Variants in SHROOM4 observed in about 807,000 individuals in gnomAD.
SHROOM4 encodes protein Shroom4.
A neutral mutation model predicts 80.3 loss-of-function variants in SHROOM4; 17 were observed. The ratio of observed to expected loss-of-function variants is 0.21; its 90% CI spans 0.14 to 0.32. The LOEUF is 0.32. Among genes scored for constraint, SHROOM4 ranks in the 10% least tolerant of loss-of-function variants. The probability of loss-of-function intolerance (pLI) is 1.00; values close to 1 mark genes in which losing one functional copy is unlikely to be tolerated. For synonymous variants in SHROOM4, 400 were observed against 437.5 expected (o/e 0.91, Z 1.07); for missense variants, 993 against 1,140.3 (o/e 0.87, Z 1.86).
intron 1 of SHROOM4, among the ~76,000 whole-genome samples, chrX:50,716,313 TGTATCATATTCTTGAAAATCACAG>T (rs2147504344): frequency 9.0e-6 from 1 of 111,288 alleles, no homozygotes; most frequent in African/African-American, 3.3e-5. Flanking sequence ...GTTAGAACAA[TGTATCATATTCTTGAAAATCACAG>T]AGATTTTAAG....
intron 1 of SHROOM4, among the ~76,000 whole-genome samples, chrX:50,793,527 G>T (rs1557271746): frequency 9.6e-6 from 1 of 104,691 alleles, no homozygotes; most frequent in Non-Finnish European, 2.0e-5. Context: ...AAATACAAAA[G>T]TAAAGACTGG....
At chrX:50,715,143 CTT>C (rs1293478534) in intron 1 of SHROOM4, among the ~76,000 whole-genome samples, 1 of 111,448 alleles carries the variant, frequency 9.0e-6, no homozygotes, top group Non-Finnish European at 1.9e-5. Context: ...TCATATCCCT[CTT>C]ATTGCTTGAT....
rs1416151717 is a variant in SHROOM4, at chrX:50,594,020, C to G, written c.*2675G>C. ...GTGATAGTAACTCATGCACTGACTTCTCTATCAGCCATCATGCTTGCCTAT... is the reference window on the plus strand; with the variant it reads ...GTGATAGTAACTCATGCACTGACTTGTCTATCAGCCATCATGCTTGCCTAT... On this transcript the variant is annotated 3_prime_UTR_variant, in exon 9 of 9. Transcript: ENST00000376020. 1 of 111,872 alleles carries G rather than the reference C, an allele frequency of 8.9e-6. No individual in the cohort carries two copies. The highest frequency in any genetic ancestry group is 2.8e-4 in the East Asian group (1 of 3,563). 9.2% of individuals were successfully genotyped at this position (111,872 alleles called of 1,213,427 possible). A position where few individuals can be genotyped will look rare whatever the true frequency, so the allele number is the denominator to read the frequency against.
chrX:50,672,183 C>A (rs1222938974), intron 2 of SHROOM4, among the ~76,000 whole-genome samples: 2 of 111,513 alleles, frequency 1.8e-5, no homozygotes, highest in African/African-American at 6.5e-5. Flanking sequence ...ATAGTACCAT[C>A]AAAAAATCAT....
intron 2 of SHROOM4, among the ~76,000 whole-genome samples, chrX:50,650,125 T>C (rs1294498206): frequency 1.8e-5 from 2 of 112,161 alleles, no homozygotes; most frequent in African/African-American, 3.2e-5. Context: ...AATTTAAAAA[T>C]TGTATATAAA....
At chrX:50,757,859 G>T (rs1260352931) in intron 1 of SHROOM4, among the ~76,000 whole-genome samples, 1 of 109,829 alleles carries the variant, frequency 9.1e-6, no homozygotes, top group Non-Finnish European at 1.9e-5. Flanking sequence ...TTTTTCTAGG[G>T]ATTGTATTGA....
At chrX:50,813,160 TGGCGGCGGC>T (rs781798597) in intron 1 of SHROOM4, among the ~76,000 whole-genome samples, 16 of 102,020 alleles carry the variant, frequency 1.6e-4, no homozygotes, top group East Asian at 6.4e-4. Flanking sequence ...GCGGCGGCAG[TGGCGGCGGC>T]GGCGGCGGCG....
At chrX:50,790,535 C>T (rs144986040) in intron 1 of SHROOM4, among the ~76,000 whole-genome samples, 1,678 of 110,827 alleles carry the variant, frequency 0.015, 17 homozygotes, top group Middle Eastern at 0.037. Context: ...AAAACTGATG[C>T]GAAAATCCTC....
At position 50,634,041 on chromosome X, in the gene SHROOM4, T is replaced by C. The variant is rs782743144; in HGVS notation, c.2032A>G (p.Arg678Gly). The C allele has an allele frequency of 8.3e-7, 1 of 1,212,025 alleles. No individual in the cohort carries two copies. Among genetic ancestry groups the C allele is most frequent in the South Asian group, 1.8e-5 (1 of 56,965 alleles). ...LSQAPESHES[R>G]TGLEGRISPG... ...CTTATTCGTCCCTCTAAGCCTGTCC[T>C]AGATTCATGGCTCTCAGGGGCTTGG... is the stretch of plus-strand genomic sequence containing the variant. The change falls in exon 4 of 9, where the codon AGG becomes GGG. Residue 678 changes from arginine (R) to glycine (G), a missense_variant. Coordinates refer to ENST00000376020, the MANE Select transcript of SHROOM4 (RefSeq NM_020717.5).
At chrX:50,651,739 T>C (rs1239147807) in intron 2 of SHROOM4, among the ~76,000 whole-genome samples, 40 of 109,169 alleles carry the variant, frequency 3.7e-4, no homozygotes, top group Non-Finnish European at 6.5e-4. Context: ...CCTAGCCCCT[T>C]AACCCCCGAC....
chrX:50,582,295 G>A (rs141992687), downstream of SHROOM4, among the ~76,000 whole-genome samples: 16 of 111,890 alleles, frequency 1.4e-4, no homozygotes, highest in East Asian at 4.5e-3. Flanking sequence ...CCAAGACCTT[G>A]ATTGCAGTCT....
intron 1 of SHROOM4, among the ~76,000 whole-genome samples, chrX:50,749,090 T>C (rs149361018): frequency 2.3e-4 from 26 of 111,493 alleles, no homozygotes; most frequent in African/African-American, 7.8e-4. Flanking sequence ...TGCACACCTG[T>C]AGTCCCAACT....
At chrX:50,606,203 G>T (rs1183002422) in intron 6 of SHROOM4, among the ~76,000 whole-genome samples, 1 of 107,578 alleles carries the variant, frequency 9.3e-6, no homozygotes, top group Non-Finnish European at 1.9e-5. Context: ...CTAGCATTAG[G>T]TATGTCTCCC....
At chrX:50,750,283 G>A (rs1258207112) in intron 1 of SHROOM4, among the ~76,000 whole-genome samples, 7 of 111,190 alleles carry the variant, frequency 6.3e-5, no homozygotes, top group African/African-American at 2.0e-4. Context: ...TTTTTGATAC[G>A]GAGTCTCACT....
chrX:50,739,459 T>G (rs1934592958), intron 1 of SHROOM4, among the ~76,000 whole-genome samples: 1 of 111,171 alleles, frequency 9.0e-6, no homozygotes, highest in Non-Finnish European at 1.9e-5. Context: ...ATCCAGAATC[T>G]ACAATGAACT....
chrX:50,795,146 G>GAT (rs781879598), intron 1 of SHROOM4, among the ~76,000 whole-genome samples: 919 of 3,068 alleles, frequency 0.3, 237 homozygotes, highest in African/African-American at 0.53. Flanking sequence ...ATATATATAT[G>GAT]ATATATATAT....
intron 2 of SHROOM4, among the ~76,000 whole-genome samples, chrX:50,650,358 G>T (rs1404452371): frequency 2.7e-5 from 3 of 111,580 alleles, no homozygotes; most frequent in Non-Finnish European, 5.7e-5. Context: ...ATAAAAAGAG[G>T]TTTCTTTTTT....
At chrX:50,603,041 G>A (rs1024379499) in intron 6 of SHROOM4, among the ~76,000 whole-genome samples, 7 of 111,830 alleles carry the variant, frequency 6.3e-5, no homozygotes, top group African/African-American at 1.6e-4. Flanking sequence ...GACTTCATCG[G>A]CTAGGGAGAC....
chrX:50,710,892 T>C (rs1474088176), intron 1 of SHROOM4, among the ~76,000 whole-genome samples: 2 of 110,822 alleles, frequency 1.8e-5, no homozygotes, highest in Admixed American at 9.6e-5. Flanking sequence ...CCTCTGAGTA[T>C]TCTGTGACTG....
Sources: allele counts gnomAD v4.1 joint callset (sites outside exome capture counted in the v4.1 genomes callset), GRCh38; gene constraint gnomAD v4.1.1; transcripts MANE v1.5; gene names NCBI Gene and HGNC (gene_info 2026-07-23, HGNC 2026-07-21).